Variants in PLEKHM1 observed in about 807,000 individuals in gnomAD.
The protein encoded by PLEKHM1 is pleckstrin homology and RUN domain containing M1, also known as pleckstrin homology domain-containing family M member 1.
A neutral mutation model predicts 94.3 loss-of-function variants in PLEKHM1; 28 were observed. The ratio of observed to expected loss-of-function variants is 0.30; its 90% CI spans 0.22 to 0.41. The LOEUF is 0.41. Ranked by LOEUF, PLEKHM1 falls within the 10% of genes least tolerant of loss-of-function variation. The probability of loss-of-function intolerance (pLI) is 1.00; values close to 1 mark genes in which losing one functional copy is unlikely to be tolerated. For missense variants in PLEKHM1, 907 were observed against 1,358.6 expected, an observed-to-expected ratio of 0.67 and a Z score of 5.22; for synonymous variants, 424 against 581.2, an observed-to-expected ratio of 0.73 and a Z score of 3.89.
chr17:45,453,059 G>A lies in PLEKHM1; in HGVS notation c.2497+296C>T. On this transcript the variant is annotated intron_variant, in intron 7 of 11. Transcript: ENST00000430334. This position sits in a 1 kb window ranked among gnomAD's most constrained non-coding sequence, Gnocchi z 4.1. ...CAGGACGGTAGAGCAAGAAGAAAAT[G>A]AAGCAGGCTGGGACTCCCTGAGCAG... The A allele has an allele frequency of 1.7e-6, 1 of 576,566 alleles. No individual in the cohort carries two copies. Among genetic ancestry groups the A allele is most frequent in the Non-Finnish European group, 3.1e-6 (1 of 321,772 alleles). 35.7% of individuals were successfully genotyped at this position (576,566 alleles called of 1,614,324 possible). A position where few individuals can be genotyped will look rare whatever the true frequency, so the allele number is the denominator to read the frequency against.
intron 3 of PLEKHM1, among the ~76,000 whole-genome samples, chr17:45,476,641 T>C (rs540361548): frequency 9.2e-5 from 14 of 152,262 alleles, no homozygotes; most frequent in South Asian, 2.1e-4. Context: ...CAGGCTAGCA[T>C]CTGGGAGCCT....
Position 45,444,919 on chromosome 17 carries a change from AC to A in PLEKHM1, c.2837+550del. On this transcript the variant is annotated intron_variant, in intron 9 of 11. Coordinates refer to ENST00000430334, the MANE Select transcript of PLEKHM1 (RefSeq NM_014798.3). This position sits in a 1 kb window ranked among gnomAD's most constrained non-coding sequence, Gnocchi z 5.0. ...TCCCACCTGTCTCCCTCTCACCCTC[AC>A]CCCCGGATGGAGTTGCTGGCTTTCC... Among the ~76,000 whole-genome samples the A allele has an allele frequency of 6.7e-6, 1 of 148,688 alleles. No individual in the cohort carries two copies. The highest frequency in any genetic ancestry group is 2.5e-5 in the African/African-American group (1 of 40,162).
chr17:45,458,536 C>A, intron 5 of PLEKHM1, 97 bp from the exon 6 acceptor site: 1 of 1,210,520 alleles, frequency 8.3e-7, no homozygotes, highest in South Asian at 1.3e-5. Context: ...AATCGCGCAA[C>A]CTCGGCTCAC....
At chr17:45,456,803 T>G (rs374112069) in intron 6 of PLEKHM1, among the ~76,000 whole-genome samples, 1 of 152,214 alleles carries the variant, frequency 6.6e-6, no homozygotes, top group Admixed American at 6.5e-5. Context: ...AAACCCATCA[T>G]GAAGGTTACT....
intron 1 of PLEKHM1, 76 bp downstream of exon 1, chr17:45,490,576 G>T: frequency 2.4e-6 from 1 of 410,886 alleles, no homozygotes; most frequent in South Asian, 1.7e-5. Context: ...GAGGGAGCGG[G>T]AGGCCCACCG....
intron 10 of PLEKHM1, 114 bp from the exon 11 acceptor site, chr17:45,439,748 C>A: frequency 7.3e-7 from 1 of 1,375,782 alleles, no homozygotes; most frequent in Non-Finnish European, 1.0e-6. Flanking sequence ...TGGCACCCTG[C>A]CTGGAGAACT....
intron 5 of PLEKHM1, 137 bp from the exon 6 acceptor site, chr17:45,458,576 T>G: frequency 1.2e-6 from 1 of 821,634 alleles, no homozygotes; most frequent in Non-Finnish European, 2.0e-6. Flanking sequence ...GTTCAAGCGA[T>G]TCTCCTGCCC....
chr17:45,486,153 C>T (rs1598013257), intron 1 of PLEKHM1, among the ~76,000 whole-genome samples: 1 of 141,330 alleles, frequency 7.1e-6, no homozygotes, highest in Admixed American at 7.2e-5. Flanking sequence ...GGAGGCGGAG[C>T]TTGCAGTGAG....
intron 3 of PLEKHM1, 123 bp downstream of exon 3, chr17:45,477,777 C>T: frequency 1.8e-6 from 2 of 1,139,774 alleles, no homozygotes; most frequent in East Asian, 5.1e-5. Context: ...CCTACCTCAC[C>T]CTCTCTCTAT....
intron 9 of PLEKHM1, among the ~76,000 whole-genome samples, chr17:45,441,685 G>A (rs1233616159): frequency 1.3e-5 from 2 of 152,210 alleles, no homozygotes; most frequent in Non-Finnish European, 2.9e-5. Context: ...GTCAAGGCCA[G>A]AGGGGAGAGG....
At chr17:45,477,021 T>C (rs1290364787) in intron 3 of PLEKHM1, 1 of 152,182 alleles carries the variant, frequency 6.6e-6, no homozygotes, top group Non-Finnish European at 1.5e-5. Flanking sequence ...AAAGGAAGAT[T>C]AGAGACTGAC....
chr17:45,457,135 T>G (rs962389580), intron 6 of PLEKHM1, among the ~76,000 whole-genome samples: 15 of 140,404 alleles, frequency 1.1e-4, no homozygotes, highest in Non-Finnish European at 2.0e-4. Flanking sequence ...TATACCACTG[T>G]ACTCCAGCCT....
At chr17:45,467,344 C>T (rs1240840617) in intron 5 of PLEKHM1, among the ~76,000 whole-genome samples, 2 of 152,226 alleles carry the variant, frequency 1.3e-5, no homozygotes, top group Non-Finnish European at 2.9e-5. Context: ...TTTCACATGG[C>T]ACATCTCCAT....
intron 1 of PLEKHM1, among the ~76,000 whole-genome samples, chr17:45,486,205 A>T: frequency 6.8e-6 from 1 of 147,156 alleles, no homozygotes; most frequent in Non-Finnish European, 1.5e-5. Context: ...CGACAGAGAG[A>T]GACTCCGTCT....
chr17:45,475,176 G>A lies in PLEKHM1; in HGVS notation c.847C>T (p.His283Tyr). ...TCACAGGACATGGGCTCCTCGCAAT[G>A]GTCTGGACTCTTGGAGCCATTCTCT... ...LQENGSKSPD[H>Y]CEEPMSCDSD... The change falls in exon 4 of 12, where the codon CAT (histidine) becomes TAT (tyrosine). Residue 283 changes from histidine (H) to tyrosine (Y), a missense_variant. This residue lies in a region of PLEKHM1 where 477 missense variants were observed against 601.5 expected (regional missense o/e 0.79). Coordinates refer to ENST00000430334, the MANE Select transcript of PLEKHM1 (RefSeq NM_014798.3). 6.2e-7 allele frequency: 1 copy of A among 1,613,990 alleles called. No individual in the cohort carries two copies. The highest frequency in any genetic ancestry group is 8.5e-7 in the Non-Finnish European group (1 of 1,179,864).
chr17:45,488,469 C>CTT (rs1424311767), intron 1 of PLEKHM1, among the ~76,000 whole-genome samples: 1 of 152,170 alleles, frequency 6.6e-6, no homozygotes, highest in Non-Finnish European at 1.5e-5. Flanking sequence ...GTATACAACT[C>CTT]TTAAGTGCTG....
At chr17:45,447,726 C>T (rs1449279809) in intron 8 of PLEKHM1, among the ~76,000 whole-genome samples, 2 of 152,208 alleles carry the variant, frequency 1.3e-5, no homozygotes, top group Admixed American at 6.5e-5. Context: ...TTTCCTAGGC[C>T]AGCAATCTTT....
intron 5 of PLEKHM1, chr17:45,463,741 G>C (rs1302455064): frequency 6.6e-6 from 1 of 152,348 alleles, no homozygotes. Flanking sequence ...GCTCACTCAG[G>C]GTCCATGTCT....
At chr17:45,482,038 C>A (rs1306325178) in intron 2 of PLEKHM1, among the ~76,000 whole-genome samples, 1 of 151,916 alleles carries the variant, frequency 6.6e-6, no homozygotes, top group Admixed American at 6.6e-5. Context: ...TTAGAATATC[C>A]TAGAAAATGG....
Sources: allele counts gnomAD v4.1 joint callset (sites outside exome capture counted in the v4.1 genomes callset), GRCh38; gene constraint gnomAD v4.1.1; regional missense constraint gnomAD v4.1.1; non-coding constraint Gnocchi (gnomAD v3.1); transcripts MANE v1.5; gene names NCBI Gene and HGNC (gene_info 2026-07-23, HGNC 2026-07-21).